Variants in TCF25 observed in about 807,000 individuals in gnomAD.
TCF25 encodes ribosome quality control complex subunit TCF25.
Under a neutral mutation model 83.1 loss-of-function variants are expected in TCF25, and 41 were observed. The observed-to-expected ratio is 0.49, with a 90% confidence interval of 0.38 to 0.64. The LOEUF (loss-of-function observed/expected upper bound fraction) is 0.64. Ranked by LOEUF, TCF25 falls within the 30% of genes least tolerant of loss-of-function variation. TCF25 has a pLI of 0.00. For missense variants in TCF25, 979 were observed against 914.5 expected (o/e 1.07, Z -0.91); for synonymous variants, 458 against 365.0 (o/e 1.25, Z -2.90).
rs193127111 is a variant in TCF25 at position 89,883,069 on chromosome 16, C to T, written c.193-282C>T. Among the ~76,000 whole-genome samples the T allele has an allele frequency of 4.0e-3, 611 of 152,214 alleles. 4 individuals carry two copies. The highest frequency in any genetic ancestry group is 0.014 in the African/African-American group (578 of 41,544). On this transcript the variant is annotated intron_variant, in intron 1 of 17. Transcript: ENST00000263346. ...GGTCCTCTGTAAATGGAGTAAATTA[C>T]AATATTTGAGGAGTCTTCCTTACCT...
intron 1 of TCF25, among the ~76,000 whole-genome samples, chr16:89,875,467 C>A (rs2143882392): frequency 6.7e-6 from 1 of 149,472 alleles, no homozygotes; most frequent in East Asian, 2.0e-4. Context: ...CATTGTTACA[C>A]ATCCATCTCT....
chr16:89,910,207 C>T (rs936805654), intron 16 of TCF25: 15 of 256,232 alleles, frequency 5.9e-5, no homozygotes, highest in African/African-American at 2.0e-4. Context: ...CTCCGCTTAA[C>T]GCAGGCCCTG....
intron 7 of TCF25, among the ~76,000 whole-genome samples, chr16:89,894,218 G>A (rs181801482): frequency 6.6e-6 from 1 of 151,136 alleles, no homozygotes; most frequent in Non-Finnish European, 1.5e-5. Flanking sequence ...CCCGGCCCCC[G>A]TGCAGCCCCC....
intron 13 of TCF25, 141 bp downstream of exon 13, chr16:89,904,346 T>G (rs1187004908): frequency 1.1e-6 from 1 of 870,652 alleles, no homozygotes. Context: ...GGGACTGTCA[T>G]TTGACATGGG....
At position 89,909,538 on chromosome 16, in the gene TCF25, C is replaced by T. The variant is rs954614488; in HGVS notation, c.1800-1053C>T. The T allele has an allele frequency of 4.5e-5, 7 of 155,658 alleles. No individual in the cohort carries two copies. The South Asian group carries it at 6.2e-4, about 14-fold the overall frequency. 9.6% of individuals were successfully genotyped at this position (155,658 alleles called of 1,614,324 possible). On this transcript the variant is annotated intron_variant, in intron 16 of 17. Transcript: ENST00000263346. ...AAAAAAAAAAAAAAAAAAAATTGGG[C>T]GTGGTGGGTTGTGCCTGTAGTCCCA... is the stretch of plus-strand genomic sequence containing the variant.
intron 16 of TCF25, chr16:89,909,002 G>C (rs1184462037): frequency 7.8e-7 from 1 of 1,289,540 alleles, no homozygotes; most frequent in Non-Finnish European, 1.0e-6. Flanking sequence ...TTATTTGGGG[G>C]TCACAGCTCT....
intron 2 of TCF25, among the ~76,000 whole-genome samples, chr16:89,884,308 CAG>C (rs1202962654): frequency 2.0e-5 from 3 of 152,120 alleles, no homozygotes; most frequent in Admixed American, 6.5e-5. Context: ...GTGGCCGACA[CAG>C]GGAGGAATGA....
At chr16:89,910,822 C>T (rs2045495589) in intron 17 of TCF25, among the ~76,000 whole-genome samples, 159 bp downstream of exon 17, 1 of 152,236 alleles carries the variant, frequency 6.6e-6, no homozygotes, top group African/African-American at 2.4e-5. Context: ...GCCCATTCTG[C>T]CGGGGAAACT....
intron 7 of TCF25, 72 bp from the exon 8 acceptor site, chr16:89,894,966 A>T: frequency 7.2e-7 from 1 of 1,386,334 alleles, no homozygotes; most frequent in Middle Eastern, 1.9e-4. Context: ...TAAATGTCTG[A>T]AAAAAAGGCA....
At chr16:89,898,432 G>A (rs992179797) in intron 9 of TCF25, 125 bp from the exon 10 acceptor site, 2 of 874,016 alleles carry the variant, frequency 2.3e-6, no homozygotes, top group Non-Finnish European at 3.7e-6. Context: ...GTGTGGGGTG[G>A]AATGGGTGGT....
At chr16:89,911,017 G>C in intron 17 of TCF25, 63 bp from the exon 18 acceptor site, 1 of 1,593,996 alleles carries the variant, frequency 6.3e-7, no homozygotes, top group Non-Finnish European at 8.6e-7. Flanking sequence ...CCTCCTGCTT[G>C]GGCCCCGGGC....
At chr16:89,908,406 C>T (rs2045174943) in intron 16 of TCF25, among the ~76,000 whole-genome samples, 2 of 150,892 alleles carry the variant, frequency 1.3e-5, no homozygotes, top group South Asian at 4.2e-4. Flanking sequence ...TTTCCACCTC[C>T]CAGCTCCCAC....
Position 89,873,603 on chromosome 16 carries a change from CGCCGACA to C in TCF25, c.-59_-53del. 1.5e-6 allele frequency: 2 copies of C among 1,377,200 alleles called. No homozygotes were observed. The highest frequency in any genetic ancestry group is 1.9e-6 in the Non-Finnish European group (2 of 1,064,472). 85.3% of individuals were successfully genotyped at this position (1,377,200 alleles called of 1,614,324 possible). ...ACCCCGCGCGAAGAGTGCGCAGGCG[CGCCGACA>C]GCCGAGTTTTCTGCGCTTCCTTCTC... On this transcript the variant is annotated 5_prime_UTR_variant, in exon 1 of 18. Coordinates refer to ENST00000263346, the MANE Select transcript of TCF25 (RefSeq NM_014972.3).
chr16:89,877,932 T>TA (rs1471995499), intron 1 of TCF25, among the ~76,000 whole-genome samples: 1 of 152,078 alleles, frequency 6.6e-6, no homozygotes, highest in Non-Finnish European at 1.5e-5. Context: ...TGTGAAGAAA[T>TA]AAAAAAATCT....
chr16:89,889,203 T>C, intron 5 of TCF25: 1 of 398,228 alleles, frequency 2.5e-6, no homozygotes, highest in South Asian at 1.9e-5. Flanking sequence ...TTTTATTTAT[T>C]TATTTTTATT....
At chr16:89,877,786 C>G (rs550272977) in intron 1 of TCF25, among the ~76,000 whole-genome samples, 147 of 152,230 alleles carry the variant, frequency 9.7e-4, no homozygotes, top group African/African-American at 3.2e-3. Context: ...TTACCATTTT[C>G]AGGGATGGGA....
intron 13 of TCF25, 170 bp from the exon 14 acceptor site, chr16:89,904,768 T>A (rs1242822747): frequency 5.2e-6 from 4 of 776,144 alleles, no homozygotes; most frequent in African/African-American, 1.7e-5. Flanking sequence ...GGCACATACC[T>A]GTGTGCCCCA....
At chr16:89,893,915 T>C in intron 7 of TCF25, 57 bp downstream of exon 7, 1 of 1,547,702 alleles carries the variant, frequency 6.5e-7, no homozygotes, top group Non-Finnish European at 8.7e-7. Context: ...ACCACTGCCC[T>C]GGGCCGCCTG....
intron 12 of TCF25, among the ~76,000 whole-genome samples, chr16:89,902,839 C>G (rs1477810828): frequency 3.9e-5 from 6 of 152,114 alleles, no homozygotes. Flanking sequence ...TACGTGACCA[C>G]TCATCGCCTA....
Sources: gnomAD v4.1 joint callset for allele counts (sites outside exome capture counted in the v4.1 genomes callset) on GRCh38, gnomAD v4.1.1 for gene constraint, MANE v1.5 for transcripts, NCBI Gene and HGNC (gene_info 2026-07-23, HGNC 2026-07-21) for gene names.